The following FLG2 variants were observed in gnomAD, a reference collection of about 807,000 sequenced individuals.
FLG2 encodes the protein filaggrin 2.
FLG2 carries 7 observed loss-of-function variants against 3.9 expected under a neutral mutation model. That is an observed-to-expected ratio of 1.79 (90% CI 1.02 to 3.36). FLG2 has a LOEUF of 3.36. Ranked by LOEUF, FLG2 falls within the 30% of genes most tolerant of loss-of-function variation. FLG2 has a pLI of 0.00. For missense variants in FLG2, 2,700 were observed against 2,809.4 expected (o/e 0.96, Z 0.88); for synonymous variants, 1,031 against 1,056.1 (o/e 0.98, Z 0.46).
chr1:152,356,821 T>C lies in FLG2; in HGVS notation c.965A>G (p.Lys322Arg). The stretch of plus-strand genomic sequence containing the variant: ...GACACAGCCATGGCCTTGTCCTCCC[T>C]TAATTCCTGACTGACAGCCTGACTG... ...YIQSGCQSGI[K>R]GGQGHGCVSG... The change falls in exon 3 of 3, where the codon AAG (lysine) becomes AGG (arginine). Residue 322 changes from lysine to arginine, a missense_variant. Transcript: ENST00000388718. The C allele has an allele frequency of 5.0e-6, 8 of 1,614,230 alleles. No individual in the cohort carries two copies. In the South Asian group the frequency reaches 8.8e-5, roughly 18 times the overall value.
At position 152,355,974 on chromosome 1, in the gene FLG2, A is replaced by G. The variant is rs139098911; in HGVS notation, c.1812T>C (p.Ser604=). ...ATCTAGACTCATGTTGTCCAAAGCC[A>G]GAGGATTGTCCTGAGCCAGACCCAT... is the stretch of plus-strand genomic sequence containing the variant. ...GQHGSGSGQS[S]GFGQHESRSG... Residue 604 remains serine, a synonymous_variant, in exon 3 of 3, where the codon TCT becomes TCC. Coordinates refer to ENST00000388718, the MANE Select transcript of FLG2 (RefSeq NM_001014342.3). 22 of 1,613,142 alleles carry G rather than the reference A, an allele frequency of 1.4e-5. No homozygotes were observed. The highest frequency in any genetic ancestry group is 1.9e-5 in the Non-Finnish European group (22 of 1,179,838).
chr1:152,354,568 T>A lies in FLG2; in HGVS notation c.3218A>T (p.Gln1073Leu), dbSNP rs759478638. ...GFGQYESRSR[Q>L]SSYGQHGSGS... Reference sequence around the variant, plus strand: ...AGAACCATGTTGGCCATAGCTAGACTGACGTGATCTAGACTCATATTGTCC... The same window carrying A: ...AGAACCATGTTGGCCATAGCTAGACAGACGTGATCTAGACTCATATTGTCC... Residue 1073 changes from glutamine (Q) to leucine (L), a missense_variant, in exon 3 of 3, where the codon CAG (glutamine) becomes CTG (leucine). By Grantham distance (113) the Gln-to-Leu change is moderately radical. Transcript: ENST00000388718. The A allele has an allele frequency of 6.8e-6, 11 of 1,613,832 alleles. No individual in the cohort carries two copies. Among genetic ancestry groups the A allele is most frequent in the Non-Finnish European group, 9.3e-6 (11 of 1,179,930 alleles).
Position 152,356,899 on chromosome 1 carries a change from C to T in FLG2, c.887G>A (p.Ser296Asn). The change falls in exon 3 of 3, where the codon AGT (serine) becomes AAT (asparagine). Residue 296 changes from serine (S) to asparagine (N), a missense_variant. Physicochemically the swap from Ser to Asn is conservative, Grantham distance 46 (BLOSUM62 1). Transcript: ENST00000388718. ...TCCAAATCTATGTGACTGACAAGAACTTGAAGCATTTTGTGGCCTTCCACA... is the reference window on the plus strand; with the variant it reads ...TCCAAATCTATGTGACTGACAAGAATTTGAAGCATTTTGTGGCCTTCCACA... ...SGCGRPQNAS[S>N]SCQSHRFGGQ... 1.2e-6 allele frequency: 2 copies of T among 1,614,174 alleles called. No individual in the cohort carries two copies. Among genetic ancestry groups the T allele is most frequent in the Non-Finnish European group, 1.7e-6 (2 of 1,180,032 alleles).
rs1653874062 is a variant in FLG2 at position 152,350,754 on chromosome 1, C to T, written c.7032G>A (p.Trp2344Ter). 6.2e-7 allele frequency: 1 copy of T among 1,614,050 alleles called. No individual in the cohort carries two copies. The highest frequency in any genetic ancestry group is 1.3e-5 in the African/African-American group (1 of 74,936). ...ERQRHGSSQVWKHGSYGPAEY... is the reference protein window; with the variant it reads ...ERQRHGSSQV ...CTGCAGGTCCATAGCTGCCATGTTTCCAAACCTGACTTGATCCATGCCTTT... is the reference window on the plus strand; with the variant it reads ...CTGCAGGTCCATAGCTGCCATGTTTTCAAACCTGACTTGATCCATGCCTTT... Residue 2344 changes from tryptophan (W) to a stop codon, truncating the protein, a stop_gained, in exon 3 of 3, where the codon TGG (tryptophan) becomes TGA (stop). Transcript: ENST00000388718. LOFTEE classifies it low-confidence loss of function (END_TRUNC).
Position 152,353,152 on chromosome 1 carries a change from C to A in FLG2, c.4634G>T (p.Gly1545Val). Residue 1545 changes from glycine to valine, a missense_variant, in exon 3 of 3, where the codon GGA (glycine) becomes GTA (valine). By Grantham distance (109) the Gly-to-Val change is moderately radical. Coordinates refer to ENST00000388718, the MANE Select transcript of FLG2 (RefSeq NM_001014342.3). ...IIHDRHRITHGQTGDTTRHSY... is the reference protein window; with the variant it reads ...IIHDRHRITHVQTGDTTRHSY... ...ATGTCTAGTGGTATCTCCTGTCTGT[C>A]CATGAGTAATTCTGTGTCTGTCATG... 6.2e-7 allele frequency: 1 copy of A among 1,613,804 alleles called. No individual in the cohort carries two copies. The highest frequency in any genetic ancestry group is 8.5e-7 in the Non-Finnish European group (1 of 1,179,972).
chr1:152,350,379 C>A lies in FLG2; in HGVS notation c.*231G>T. On this transcript the variant is annotated 3_prime_UTR_variant, in exon 3 of 3. Coordinates refer to ENST00000388718, the MANE Select transcript of FLG2 (RefSeq NM_001014342.3). ...TTGACTGGCTATGTGTACATCCCTC[C>A]CTTCTGGCTGTGTTATATCCAGGTT... is the stretch of plus-strand genomic sequence containing the variant. The A allele has an allele frequency of 1.7e-6, 1 of 577,590 alleles. No individual in the cohort carries two copies. The highest frequency in any genetic ancestry group is 3.0e-6 in the Non-Finnish European group (1 of 333,826). The allele number at this position is 577,590 out of a possible 1,614,324, so 35.8% of individuals were successfully genotyped here.
Position 152,355,317 on chromosome 1 carries a change from A to G in FLG2, c.2469T>C (p.His823=), listed in dbSNP as rs1363896087. Residue 823 remains histidine (H), a synonymous_variant, in exon 3 of 3, where the codon CAT becomes CAC. Coordinates refer to ENST00000388718, the MANE Select transcript of FLG2 (RefSeq NM_001014342.3). ...GSGQSAGFGQ[H]GSGSGQSSGF... is the part of the protein sequence containing the mutation. ...CAGAGGATTGTCCTGAGCCAGACCCATGTTGTCCAAAGCCAGCGGACTGAC... is the reference window on the plus strand; with the variant it reads ...CAGAGGATTGTCCTGAGCCAGACCCGTGTTGTCCAAAGCCAGCGGACTGAC... 2 of 1,613,846 alleles carry G rather than the reference A, an allele frequency of 1.2e-6. No homozygotes were observed. Among genetic ancestry groups the G allele is most frequent in the Non-Finnish European group, 1.7e-6 (2 of 1,179,892 alleles).
Position 152,351,353 on chromosome 1 carries a change from C to G in FLG2, c.6433G>C (p.Gly2145Arg), listed in dbSNP as rs1653911915. 2 of 1,613,334 alleles carry G rather than the reference C, an allele frequency of 1.2e-6. No individual in the cohort carries two copies. Among genetic ancestry groups the G allele is most frequent in the African/African-American group, 1.3e-5 (1 of 74,646 alleles). ...TCTCCTGTCTGTCCATGTATAGTTC[C>G]CTGTCTCCCGTGAATGGCAGATCCT... is the stretch of plus-strand genomic sequence containing the variant. ...ESGSAIHGRQ[G>R]TIHGQTGDTT... is the part of the protein sequence containing the mutation. The change falls in exon 3 of 3, where the codon GGA becomes CGA. Residue 2145 changes from glycine (G) to arginine (R), a missense_variant. Coordinates refer to ENST00000388718, the MANE Select transcript of FLG2 (RefSeq NM_001014342.3).
chr1:152,352,174 C>G lies in FLG2; in HGVS notation c.5612G>C (p.Ser1871Thr). 1.2e-6 allele frequency: 2 copies of G among 1,613,856 alleles called. No homozygotes were observed. The highest frequency in any genetic ancestry group is 8.5e-7 in the Non-Finnish European group (1 of 1,179,940). Reference sequence around the variant, plus strand: ...GCCAGATCTCCTTCTTCCAGTTGTACTGGATCCTGACTGTGTGGACTGTCC... The same window carrying G: ...GCCAGATCTCCTTCTTCCAGTTGTAGTGGATCCTGACTGTGTGGACTGTCC... ...GHGQSTQSGS[S>T]TTGRRRSGHS... The change falls in exon 3 of 3, where the codon AGT becomes ACT. Residue 1871 changes from serine to threonine, a missense_variant. By Grantham distance (58) the Ser-to-Thr change is moderately conservative. Transcript: ENST00000388718.
rs901215385 is a variant in FLG2, at chr1:152,355,344, T to C, written c.2442A>G (p.Ser814=). Residue 814 remains serine (S), a synonymous_variant, in exon 3 of 3, where the codon TCA becomes TCG. Coordinates refer to ENST00000388718, the MANE Select transcript of FLG2 (RefSeq NM_001014342.3). ...GTTGTCCAAAGCCAGCGGACTGACC[T>C]GAGCCTGATCCATATTGGCCAAAGC... ...STGFGQYGSG[S]GQSAGFGQHG... is the part of the protein sequence containing the mutation. 1.2e-6 allele frequency: 2 copies of C among 1,613,906 alleles called. No homozygotes were observed. The highest frequency in any genetic ancestry group is 1.7e-5 in the Admixed American group (1 of 59,994).
In FLG2 at chr1:152,353,134, G is replaced by A. The variant is rs1418413792; in HGVS notation, c.4652C>T (p.Thr1551Ile). The change falls in exon 3 of 3, where the codon ACT becomes ATT. Residue 1551 changes from threonine (T) to isoleucine (I), a missense_variant. By Grantham distance (89) the Thr-to-Ile change is moderately conservative. Transcript: ENST00000388718. ...RITHGQTGDT[T>I]RHSYSGHEQT... The stretch of plus-strand genomic sequence containing the variant: ...TTCATGACCAGAGTAGGAATGTCTA[G>A]TGGTATCTCCTGTCTGTCCATGAGT... 8 of 1,613,958 alleles carry A rather than the reference G, an allele frequency of 5.0e-6. No homozygotes were observed. Among genetic ancestry groups the A allele is most frequent in the Non-Finnish European group, 5.1e-6 (6 of 1,179,992 alleles).
rs751052229 is a variant in FLG2 at position 152,352,862 on chromosome 1, C to G, written c.4924G>C (p.Gly1642Arg). ...CTCTGTCTTCCAGTTGTCCTGGACCCTCTCTGTGTGGACTGTCCATGACCA... is the reference window on the plus strand; with the variant it reads ...CTCTGTCTTCCAGTTGTCCTGGACCGTCTCTGTGTGGACTGTCCATGACCA... ...HSGHGQSTQRGSRTTGRQRSS... is the reference protein window; with the variant it reads ...HSGHGQSTQRRSRTTGRQRSS... Residue 1642 changes from glycine (G) to arginine (R), a missense_variant, in exon 3 of 3, where the codon GGG becomes CGG. By Grantham distance (125) the Gly-to-Arg change is moderately radical. Transcript: ENST00000388718. 1 of 1,613,486 alleles carries G rather than the reference C, an allele frequency of 6.2e-7. No individual in the cohort carries two copies. The highest frequency in any genetic ancestry group is 1.7e-5 in the Admixed American group (1 of 59,978).
At position 152,349,923 on chromosome 1, in the gene FLG2, T is replaced by C. The variant is rs964708853; in HGVS notation, c.*687A>G. On this transcript the variant is annotated 3_prime_UTR_variant, in exon 3 of 3. Transcript: ENST00000388718. ...AATATCTATACCTATACTCTTCAAT[T>C]CCTGCAGGGTCTTGGCTGTCAAGAA... 1.3e-5 allele frequency: 2 copies of C among 154,734 alleles called. No homozygotes were observed. The highest frequency in any genetic ancestry group is 4.8e-5 in the African/African-American group (2 of 41,448). 9.6% of individuals were successfully genotyped at this position (154,734 alleles called of 1,614,324 possible).
Position 152,354,842 on chromosome 1 carries a change from C to T in FLG2, c.2944G>A (p.Gly982Arg). The T allele has an allele frequency of 1.2e-6, 2 of 1,613,618 alleles. No homozygotes were observed. The highest frequency in any genetic ancestry group is 8.5e-7 in the Non-Finnish European group (1 of 1,179,938). ...TGCTGTCCAAAGCCAGAGGATTTTC[C>T]TGAGCCTGACTCATGTTGTCCAAAG... ...SGFGQHESGS[G>R]KSSGFGQHES... The change falls in exon 3 of 3, where the codon GGA becomes AGA. Residue 982 changes from glycine (G) to arginine (R), a missense_variant. Physicochemically the swap from Gly to Arg is moderately radical, Grantham distance 125 (BLOSUM62 -2). Coordinates refer to ENST00000388718, the MANE Select transcript of FLG2 (RefSeq NM_001014342.3).
rs768238983 is a variant in FLG2 at position 152,354,119 on chromosome 1, A to T, written c.3667T>A (p.Ser1223Thr). Reference protein sequence around the residue: ...GQSTGLGQGESQQVESGSTVH... With the variant: ...GQSTGLGQGETQQVESGSTVH... ...GTGGATCCTGACTCTACTTGTTGAG[A>T]TTCACCCTGGCCCAAGCCAGTTGAT... Residue 1223 changes from serine to threonine, a missense_variant, in exon 3 of 3, where the codon TCT becomes ACT. Coordinates refer to ENST00000388718, the MANE Select transcript of FLG2 (RefSeq NM_001014342.3). 1.9e-6 allele frequency: 3 copies of T among 1,614,230 alleles called. No homozygotes were observed. In the Admixed American group the frequency reaches 5.0e-5, roughly 27 times the overall value.
In FLG2 at chr1:152,353,133, A is replaced by G. The variant is rs1654028535; in HGVS notation, c.4653T>C (p.Thr1551=). The change falls in exon 3 of 3, where the codon ACT becomes ACC. Residue 1551 remains threonine, a synonymous_variant. Coordinates refer to ENST00000388718, the MANE Select transcript of FLG2 (RefSeq NM_001014342.3). The part of the protein sequence containing the change: ...RITHGQTGDT[T]RHSYSGHEQT... ...GTTCATGACCAGAGTAGGAATGTCTAGTGGTATCTCCTGTCTGTCCATGAG... is the reference window on the plus strand; with the variant it reads ...GTTCATGACCAGAGTAGGAATGTCTGGTGGTATCTCCTGTCTGTCCATGAG... 1 of 1,613,676 alleles carries G rather than the reference A, an allele frequency of 6.2e-7. No individual in the cohort carries two copies. Among genetic ancestry groups the G allele is most frequent in the Non-Finnish European group, 8.5e-7 (1 of 1,179,946 alleles).
Position 152,355,334 on chromosome 1 carries a change from C to T in FLG2, c.2452G>A (p.Ala818Thr), listed in dbSNP as rs201979853. 7.5e-5 allele frequency: 115 copies of T among 1,536,402 alleles called. No individual in the cohort carries two copies. The highest frequency in any genetic ancestry group is 3.9e-4 in the African/African-American group (25 of 63,552). ...CCAGACCCATGTTGTCCAAAGCCAG[C>T]GGACTGACCTGAGCCTGATCCATAT... ...GQYGSGSGQS[A>T]GFGQHGSGSG... The change falls in exon 3 of 3, where the codon GCT becomes ACT. Residue 818 changes from alanine (A) to threonine (T), a missense_variant. Transcript: ENST00000388718.
chr1:152,353,684 G>A lies in FLG2; in HGVS notation c.4102C>T (p.Gln1368Ter), dbSNP rs140668061. The A allele has an allele frequency of 3.1e-6, 5 of 1,613,978 alleles. No homozygotes were observed. Among genetic ancestry groups the A allele is most frequent in the African/African-American group, 2.7e-5 (2 of 74,892 alleles). ...GVSHRPHSQEQTHSQAGSQHG... is the reference protein window; with the variant it reads ...GVSHRPHSQE The stretch of plus-strand genomic sequence containing the variant: ...TGAGATCCAGCTTGGCTGTGAGTTT[G>A]TTCTTGTGAGTGTGGTCTATGTGAG... The change falls in exon 3 of 3, where the codon CAA (glutamine) becomes TAA (stop). Residue 1368 changes from glutamine (Q) to a stop codon, truncating the protein, a stop_gained. Coordinates refer to ENST00000388718, the MANE Select transcript of FLG2 (RefSeq NM_001014342.3). LOFTEE classifies it low-confidence loss of function (END_TRUNC).
In FLG2 at chr1:152,350,742, G is replaced by A; in HGVS notation, c.7044C>T (p.Ser2348=). Residue 2348 remains serine (S), a synonymous_variant, in exon 3 of 3, where the codon AGC becomes AGT. Coordinates refer to ENST00000388718, the MANE Select transcript of FLG2 (RefSeq NM_001014342.3). ...CATAGTCATATTCTGCAGGTCCATAGCTGCCATGTTTCCAAACCTGACTTG... is the reference window on the plus strand; with the variant it reads ...CATAGTCATATTCTGCAGGTCCATAACTGCCATGTTTCCAAACCTGACTTG... ...HGSSQVWKHG[S]YGPAEYDYGH... 6.2e-7 allele frequency: 1 copy of A among 1,614,196 alleles called. No homozygotes were observed. Among genetic ancestry groups the A allele is most frequent in the East Asian group, 2.2e-5 (1 of 44,878 alleles).
Sources: allele counts gnomAD v4.1 joint callset, GRCh38; gene constraint gnomAD v4.1.1; transcripts MANE v1.5; gene names NCBI Gene and HGNC (gene_info 2026-07-23, HGNC 2026-07-21).